ENPP3: variants seen among roughly 807,000 people sequenced by gnomAD.
The protein encoded by ENPP3 is ectonucleotide pyrophosphatase/phosphodiesterase family member 3.
In ENPP3, 104 loss-of-function variants were observed where a neutral mutation model predicts 117.8. The observed-to-expected ratio is 0.88, with a 90% confidence interval of 0.75 to 1.04. ENPP3 has a LOEUF of 1.04. ENPP3 is among the 50% of genes least tolerant of loss of function. The pLI is 0.00. For missense variants in ENPP3, 1,026 were observed against 1,051.9 expected, an observed-to-expected ratio of 0.98 and a Z score of 0.34; for synonymous variants, 380 against 349.9, an observed-to-expected ratio of 1.09 and a Z score of -0.96.
chr6:131,671,294 C>T lies in ENPP3; in HGVS notation c.609C>T (p.Thr203=). Residue 203 remains threonine (T), a synonymous_variant, in exon 7 of 25, where the codon ACC becomes ACT. Coordinates refer to ENST00000357639, the MANE Select transcript of ENPP3 (RefSeq NM_005021.5). The part of the protein sequence containing the change: ...HSKYMRAMYP[T]KTFPNHYTIV... The stretch of plus-strand genomic sequence containing the variant: ...AATACATGAGAGCTATGTATCCTAC[C>T]AAAACCTTCCCAAATCATTACACCA... The T allele has an allele frequency of 1.9e-6, 3 of 1,607,092 alleles. No individual in the cohort carries two copies. Among genetic ancestry groups the T allele is most frequent in the East Asian group, 4.5e-5 (2 of 44,848 alleles).
At chr6:131,710,814 A>T in intron 15 of ENPP3, 2 of 1,613,434 alleles carry the variant, frequency 1.2e-6, no homozygotes, top group Non-Finnish European at 1.7e-6. Flanking sequence ...CATAAAGCCG[A>T]CTCCTAACCG....
intron 11 of ENPP3, 83 bp downstream of exon 11, chr6:131,678,023 C>T (rs763830070): frequency 4.1e-5 from 32 of 775,212 alleles, no homozygotes; most frequent in Non-Finnish European, 6.3e-5. Flanking sequence ...TATTCTTTAA[C>T]TTCTACTGAG....
At chr6:131,701,879 C>A in intron 15 of ENPP3, among the ~76,000 whole-genome samples, 1 of 131,520 alleles carries the variant, frequency 7.6e-6, no homozygotes, top group East Asian at 2.1e-4. Flanking sequence ...CAGACTCTGT[C>A]TCCAGAAAAA....
At chr6:131,688,896 CAAAAAA>C (rs34743742) in intron 14 of ENPP3, among the ~76,000 whole-genome samples, 1 of 88,300 alleles carries the variant, frequency 1.1e-5, no homozygotes, top group Non-Finnish European at 2.6e-5. Flanking sequence ...ACTAAAAATC[CAAAAAA>C]AAAAAAAAAA....
At chr6:131,737,815 C>T (rs529944155) in intron 22 of ENPP3, among the ~76,000 whole-genome samples, 1 of 152,160 alleles carries the variant, frequency 6.6e-6, no homozygotes, top group Non-Finnish European at 1.5e-5. Context: ...GCATATTTAA[C>T]TGTAATTTCA....
At chr6:131,723,908 TAA>T (rs1780091243) in intron 18 of ENPP3, 130 bp from the exon 19 acceptor site, 2 of 630,634 alleles carry the variant, frequency 3.2e-6, no homozygotes, top group African/African-American at 3.7e-5. Flanking sequence ...ATCAGAATCT[TAA>T]GTTAGGCTAG....
At position 131,676,780 on chromosome 6, in the gene ENPP3, T is replaced by A; in HGVS notation, c.917T>A (p.Leu306Gln). The change falls in exon 10 of 25, where the codon CTG (leucine) becomes CAG (glutamine). Residue 306 changes from leucine to glutamine, a missense_variant. Transcript: ENST00000357639. ...AGGATTTCTACACTGTTAAAATGGC[T>A]GGACCTGCCCAAAGCTGAAAGGTAA... The part of the protein sequence containing the change: ...EERISTLLKW[L>Q]DLPKAERPRF... 6.2e-7 allele frequency: 1 copy of A among 1,611,122 alleles called. No individual in the cohort carries two copies.
intron 6 of ENPP3, among the ~76,000 whole-genome samples, chr6:131,660,628 C>T (rs1238825376): frequency 6.6e-6 from 1 of 152,156 alleles, no homozygotes; most frequent in African/African-American, 2.4e-5. Context: ...GGGACATATG[C>T]AGAGTTTTAG....
chr6:131,639,492 T>C (rs993521321), intron 1 of ENPP3, among the ~76,000 whole-genome samples: 1 of 152,008 alleles, frequency 6.6e-6, no homozygotes, highest in African/African-American at 2.4e-5. Context: ...CACAGCAAAA[T>C]TTGTGCATCA....
In ENPP3 at chr6:131,674,570, C is replaced by CT. The variant is rs551650421; in HGVS notation, c.762+300dup. On this transcript the variant is annotated intron_variant, in intron 8 of 24. Coordinates refer to ENST00000357639, the MANE Select transcript of ENPP3 (RefSeq NM_005021.5). ...TTTTTCCTCATTTTGTTTTGTAAGT[C>CT]TTTTTTTTTTTCTTTTTTTTTGAGA... 2.6e-3 allele frequency among the ~76,000 whole-genome samples: 368 copies of CT among 144,278 alleles called. 1 individual carries two copies. The highest frequency in any genetic ancestry group is 3.8e-3 in the Non-Finnish European group (251 of 65,358). The allele number at this position is 144,278 out of a possible 152,430, so 94.7% of individuals were successfully genotyped here. A position where few individuals can be genotyped will look rare whatever the true frequency, so the allele number is the denominator to read the frequency against.
intron 2 of ENPP3, among the ~76,000 whole-genome samples, chr6:131,647,445 T>C (rs1191271523): frequency 6.6e-6 from 1 of 152,220 alleles, no homozygotes; most frequent in Non-Finnish European, 1.5e-5. Flanking sequence ...ACATAGATCT[T>C]TGTATGTTTC....
chr6:131,718,781 G>A, intron 16 of ENPP3, 43 bp downstream of exon 16: 2 of 1,217,924 alleles, frequency 1.6e-6, no homozygotes, highest in East Asian at 2.4e-5. Context: ...TTAAGTTCAG[G>A]GGTACATGTA....
At chr6:131,712,988 A>G (rs1447213372) in intron 15 of ENPP3, among the ~76,000 whole-genome samples, 3 of 144,622 alleles carry the variant, frequency 2.1e-5, no homozygotes, top group African/African-American at 5.4e-5. Context: ...TGTAGCTTGC[A>G]TAATTCCCAC....
intron 20 of ENPP3, among the ~76,000 whole-genome samples, chr6:131,727,480 G>A (rs10214689): frequency 3.0e-4 from 45 of 150,454 alleles, no homozygotes; most frequent in African/African-American, 6.4e-4. Flanking sequence ...GCTTGAACCC[G>A]GGAGGTGGAG....
chr6:131,685,789 G>A (rs1189368935), intron 13 of ENPP3, 87 bp from the exon 14 acceptor site: 15 of 681,148 alleles, frequency 2.2e-5, no homozygotes, highest in Non-Finnish European at 3.5e-5. Flanking sequence ...ATAAGTGAAT[G>A]TATCAAATTC....
intron 15 of ENPP3, among the ~76,000 whole-genome samples, chr6:131,693,998 T>G (rs1247267319): frequency 6.6e-6 from 1 of 152,256 alleles, no homozygotes; most frequent in Non-Finnish European, 1.5e-5. Context: ...TTTGTCATCT[T>G]TGTGGTTTTT....
chr6:131,651,577 A>T (rs1435328810), intron 3 of ENPP3, among the ~76,000 whole-genome samples: 1 of 152,234 alleles, frequency 6.6e-6, no homozygotes, highest in Non-Finnish European at 1.5e-5. Flanking sequence ...CCAGTATTCC[A>T]CAGGGCACAA....
At chr6:131,740,196 A>C in intron 23 of ENPP3, 28 bp from the exon 24 acceptor site, 1 of 1,534,500 alleles carries the variant, frequency 6.5e-7, no homozygotes, top group Non-Finnish European at 8.8e-7. Context: ...TAATAACATC[A>C]AAACATGTTT....
At chr6:131,705,954 C>G (rs182599667) in intron 15 of ENPP3, among the ~76,000 whole-genome samples, 1 of 137,228 alleles carries the variant, frequency 7.3e-6, no homozygotes, top group Non-Finnish European at 1.5e-5. Flanking sequence ...ACTGCACTCC[C>G]AGCATGGTTA....
Sources: gnomAD v4.1 joint callset for allele counts (sites outside exome capture counted in the v4.1 genomes callset) on GRCh38, gnomAD v4.1.1 for gene constraint, MANE v1.5 for transcripts, NCBI Gene and HGNC (gene_info 2026-07-23, HGNC 2026-07-21) for gene names.